The following DLG2 variants were observed in gnomAD, a reference collection of about 807,000 sequenced individuals.
DLG2 encodes the protein discs large MAGUK scaffold protein 2.
A neutral mutation model predicts 132.5 loss-of-function variants in DLG2; 45 were observed. The observed-to-expected ratio is 0.34, with a 90% confidence interval of 0.27 to 0.44. The LOEUF (loss-of-function observed/expected upper bound fraction) is 0.44, where lower values mean the gene tolerates loss of function less well. Ranked by LOEUF, DLG2 falls within the 20% of genes least tolerant of loss-of-function variation. The pLI, the probability that DLG2 is intolerant of heterozygous loss-of-function variation, is 1.00. For synonymous variants in DLG2, 424 were observed against 419.6 expected (o/e 1.01, Z -0.13); for missense variants, 1,045 against 1,196.9 (o/e 0.87, Z 1.87).
intron 19 of DLG2, among the ~76,000 whole-genome samples, chr11:83,618,938 T>C (rs112457872): frequency 0.013 from 1,906 of 152,248 alleles, 37 homozygotes; most frequent in African/African-American, 0.044. Flanking sequence ...TTTTCCTCTG[T>C]TTTTTTGCAA....
At chr11:84,605,519 A>G (rs1050905473) in intron 6 of DLG2, among the ~76,000 whole-genome samples, 2 of 151,750 alleles carry the variant, frequency 1.3e-5, no homozygotes, top group African/African-American at 4.8e-5. Context: ...TTCCATTGCT[A>G]ACACTATTCA....
chr11:83,781,098 A>G (rs1335135384), intron 18 of DLG2, among the ~76,000 whole-genome samples: 2 of 152,234 alleles, frequency 1.3e-5, no homozygotes, highest in African/African-American at 4.8e-5. Flanking sequence ...GACAACATTT[A>G]GTAGAACAAA....
chr11:84,908,367 C>A (rs1273204627), intron 6 of DLG2, among the ~76,000 whole-genome samples: 4 of 152,144 alleles, frequency 2.6e-5, no homozygotes, highest in African/African-American at 9.7e-5. Flanking sequence ...ACTTACAATG[C>A]ATCTCAGTTC....
At chr11:85,395,018 T>C (rs978440290) in intron 3 of DLG2, among the ~76,000 whole-genome samples, 3 of 152,192 alleles carry the variant, frequency 2.0e-5, no homozygotes, top group Admixed American at 6.6e-5. Context: ...TCTACCTGTC[T>C]TGCAAATGCC....
At chr11:84,332,361 G>A (rs1357607410) in intron 7 of DLG2, among the ~76,000 whole-genome samples, 6 of 151,794 alleles carry the variant, frequency 4.0e-5, no homozygotes, top group African/African-American at 1.2e-4. Context: ...ACAGGCGCCC[G>A]CCACCACGCC....
chr11:84,660,134 T>C (rs766451413), intron 6 of DLG2, among the ~76,000 whole-genome samples: 12 of 152,134 alleles, frequency 7.9e-5, no homozygotes, highest in Non-Finnish European at 1.8e-4. Context: ...ACAGAATTGA[T>C]ACCACATGAT....
chr11:84,507,051 C>A (rs2099243387), intron 7 of DLG2, among the ~76,000 whole-genome samples: 1 of 152,164 alleles, frequency 6.6e-6, no homozygotes, highest in Non-Finnish European at 1.5e-5. Flanking sequence ...GATAAATTTG[C>A]CAATAAAATT....
chr11:84,690,251 T>C (rs1021245071), intron 6 of DLG2, among the ~76,000 whole-genome samples: 1 of 151,914 alleles, frequency 6.6e-6, no homozygotes, highest in African/African-American at 2.4e-5. Context: ...ATACTACATA[T>C]ATATATTTCA....
At chr11:85,407,972 A>G (rs551074223) in intron 3 of DLG2, among the ~76,000 whole-genome samples, 25 of 151,704 alleles carry the variant, frequency 1.6e-4, no homozygotes, top group African/African-American at 4.8e-4. Context: ...TCTGAGGGAT[A>G]TGGGTCAGGC....
At chr11:83,495,632 A>G (rs140832789) in intron 21 of DLG2, among the ~76,000 whole-genome samples, 2 of 152,246 alleles carry the variant, frequency 1.3e-5, no homozygotes, top group South Asian at 2.1e-4. Context: ...CCATTTATTA[A>G]CATAGTTATA....
At chr11:84,528,636 T>A (rs1351817411) in intron 7 of DLG2, among the ~76,000 whole-genome samples, 1 of 152,166 alleles carries the variant, frequency 6.6e-6, no homozygotes, top group East Asian at 1.9e-4. Context: ...AAGCATCTGA[T>A]TATGTGTTTT....
intron 13 of DLG2, among the ~76,000 whole-genome samples, chr11:83,963,814 C>T (rs1049328066): frequency 6.6e-6 from 1 of 151,998 alleles, no homozygotes; most frequent in Non-Finnish European, 1.5e-5. Context: ...ACTGTACCAT[C>T]TACCTAGAAT....
intron 14 of DLG2, among the ~76,000 whole-genome samples, chr11:83,941,236 G>A (rs895228825): frequency 6.6e-6 from 1 of 151,034 alleles, no homozygotes; most frequent in South Asian, 2.1e-4. Context: ...TCCTTATTTG[G>A]CAATCTGCCA....
chr11:85,473,951 C>T (rs986351999), intron 3 of DLG2, among the ~76,000 whole-genome samples: 53 of 151,858 alleles, frequency 3.5e-4, no homozygotes, highest in East Asian at 3.9e-4. Context: ...CCACAAAAGA[C>T]GATAGAAATA....
At chr11:84,892,655 A>T (rs1411637066) in intron 6 of DLG2, among the ~76,000 whole-genome samples, 1 of 152,150 alleles carries the variant, frequency 6.6e-6, no homozygotes, top group Non-Finnish European at 1.5e-5. Flanking sequence ...CCTTTAAAGA[A>T]GAAATATTTA....
chr11:83,471,791 C>T (rs2092061033), intron 23 of DLG2, 64 bp from the exon 24 acceptor site: 1 of 1,329,272 alleles, frequency 7.5e-7, no homozygotes, highest in Non-Finnish European at 1.1e-6. Flanking sequence ...CAAAACTGTC[C>T]TGCAAGGGTG....
chr11:83,483,427 T>TTCTC, intron 22 of DLG2: 1 of 599,130 alleles, frequency 1.7e-6, no homozygotes, highest in Non-Finnish European at 2.9e-6. Context: ...CTGGATCCCA[T>TTCTC]TCTCTCTTCT....
intron 6 of DLG2, among the ~76,000 whole-genome samples, chr11:84,967,261 A>G (rs1443506632): frequency 6.6e-6 from 1 of 152,128 alleles, no homozygotes; most frequent in Non-Finnish European, 1.5e-5. Flanking sequence ...AAACTTTAAA[A>G]AACAGGAATT....
At chr11:84,552,452 T>C (rs1411027168) in intron 6 of DLG2, among the ~76,000 whole-genome samples, 1 of 152,208 alleles carries the variant, frequency 6.6e-6, no homozygotes, top group East Asian at 1.9e-4. Flanking sequence ...CCTTTTGCCA[T>C]GTCTTTAACG....
Sources: allele counts gnomAD v4.1 joint callset (sites outside exome capture counted in the v4.1 genomes callset), GRCh38; gene constraint gnomAD v4.1.1; transcripts MANE v1.5; gene names NCBI Gene and HGNC (gene_info 2026-07-23, HGNC 2026-07-21).